Variants in CNTNAP3B observed in about 807,000 individuals in gnomAD.
The protein encoded by CNTNAP3B is contactin-associated protein-like 3B.
In CNTNAP3B, 25 loss-of-function variants were observed where a neutral mutation model predicts 108.9. The observed-to-expected ratio is 0.23, with a 90% confidence interval of 0.17 to 0.32. CNTNAP3B has a LOEUF of 0.32. CNTNAP3B is among the 10% of genes least tolerant of loss of function. The pLI is 1.00. For synonymous variants in CNTNAP3B, 103 were observed against 473.4 expected, an observed-to-expected ratio of 0.22 and a Z score of 10.16; for missense variants, 252 against 1,210.4, an observed-to-expected ratio of 0.21 and a Z score of 11.75.
chr9:41,990,675 T>C (rs1025896253), intron 8 of CNTNAP3B, among the ~76,000 whole-genome samples: 7 of 135,274 alleles, frequency 5.2e-5, no homozygotes, highest in Admixed American at 2.3e-4. Context: ...GCTTTTTTTT[T>C]TTAAAGCCCC....
intron 1 of CNTNAP3B, among the ~76,000 whole-genome samples, chr9:42,107,908 G>A (rs1396620154): frequency 1.6e-5 from 2 of 127,318 alleles, no homozygotes; most frequent in South Asian, 5.1e-4. Flanking sequence ...CTGGGAGGAG[G>A]AGGTTGCAGT....
At chr9:42,128,153 C>A (rs1173182755) in intron 1 of CNTNAP3B, among the ~76,000 whole-genome samples, 1 of 135,730 alleles carries the variant, frequency 7.4e-6, no homozygotes, top group Non-Finnish European at 1.6e-5. Flanking sequence ...TACTCCAAGC[C>A]GAAAAAAAAA....
Position 42,100,229 on chromosome 9 carries a change from G to A in CNTNAP3B, c.196+4400C>T, listed in dbSNP as rs1464458344. On this transcript the variant is annotated intron_variant, in intron 2 of 23. Coordinates refer to ENST00000377561, the MANE Select transcript of CNTNAP3B (RefSeq NM_001201380.3). ...ATATCCCACATTCCTTTAACCTGAG[G>A]TGGAAAACTCAAGTGGGGAGGGAAA... Among the ~76,000 whole-genome samples the A allele has an allele frequency of 3.7e-5, 3 of 80,502 alleles. 1 individual carries two copies. The highest frequency in any genetic ancestry group is 1.3e-4 in the African/African-American group (3 of 22,686). The allele number at this position is 80,502 out of a possible 152,430, so 52.8% of individuals were successfully genotyped here. A position where few individuals can be genotyped will look rare whatever the true frequency, so the allele number is the denominator to read the frequency against.
At chr9:41,944,362 T>C (rs1287961389) in intron 13 of CNTNAP3B, among the ~76,000 whole-genome samples, 2 of 146,112 alleles carry the variant, frequency 1.4e-5, no homozygotes, top group African/African-American at 5.0e-5. Flanking sequence ...TGATTATGGC[T>C]TATGAATAAG....
rs1828577616 is a variant in CNTNAP3B, at chr9:42,126,684, C to A, written c.85+2326G>T. Reference sequence around the variant, plus strand: ...TCCCAGGTTCAAGCGATTCTCCTGCCTCAGCCTCCCGAGTAGCTGGAATTA... The same window carrying A: ...TCCCAGGTTCAAGCGATTCTCCTGCATCAGCCTCCCGAGTAGCTGGAATTA... On this transcript the variant is annotated intron_variant, in intron 1 of 23. Transcript: ENST00000377561. 1.5e-5 allele frequency among the ~76,000 whole-genome samples: 2 copies of A among 135,890 alleles called. 1 individual carries two copies. Among genetic ancestry groups the A allele is most frequent in the African/African-American group, 5.9e-5 (2 of 33,732 alleles). 89.1% of individuals were successfully genotyped at this position (135,890 alleles called of 152,430 possible). A position where few individuals can be genotyped will look rare whatever the true frequency, so the allele number is the denominator to read the frequency against.
chr9:41,942,839 A>C (rs62536534), intron 13 of CNTNAP3B, among the ~76,000 whole-genome samples: 128,565 of 151,642 alleles, frequency 0.85, 52,744 homozygotes, highest in Non-Finnish European at 0.87. Flanking sequence ...CCTCTGACAC[A>C]ACAGTTATGC....
intron 3 of CNTNAP3B, among the ~76,000 whole-genome samples, chr9:42,020,673 C>T (rs1826296590): frequency 6.8e-6 from 1 of 147,006 alleles, no homozygotes; most frequent in Non-Finnish European, 1.5e-5. Context: ...CCAAGATCTG[C>T]ACCTTTAACC....
intron 3 of CNTNAP3B, among the ~76,000 whole-genome samples, chr9:42,070,114 G>T: frequency 7.5e-6 from 1 of 132,714 alleles, no homozygotes; most frequent in Non-Finnish European, 1.6e-5. Context: ...GATGGCATTA[G>T]CTTCAAGTTT....
chr9:41,930,766 G>A (rs1376161409), intron 14 of CNTNAP3B, among the ~76,000 whole-genome samples: 1 of 152,276 alleles, frequency 6.6e-6, no homozygotes, highest in Non-Finnish European at 1.5e-5. Flanking sequence ...ATCCCCTAGG[G>A]GAACCTGGGG....
chr9:41,929,385 A>G lies in CNTNAP3B; in HGVS notation c.2297T>C (p.Met766Thr). ...GGAATGTGGTTGGCCTGTGTCTGTC[A>G]TCACAATCTGAGTGACTGGGAGGTG... Reference protein sequence around the residue: ...KEHLPVTQIVMTDTGQPHSEA... With the variant: ...KEHLPVTQIVTTDTGQPHSEA... Residue 766 changes from methionine to threonine, a missense_variant, in exon 15 of 24, where the codon ATG (methionine) becomes ACG (threonine). Coordinates refer to ENST00000377561, the MANE Select transcript of CNTNAP3B (RefSeq NM_001201380.3). The G allele has an allele frequency of 6.5e-7, 1 of 1,544,384 alleles. No individual in the cohort carries two copies. Among genetic ancestry groups the G allele is most frequent in the South Asian group, 1.2e-5 (1 of 85,840 alleles).
At chr9:42,086,218 C>G (rs1248890303) in intron 2 of CNTNAP3B, among the ~76,000 whole-genome samples, 1 of 142,428 alleles carries the variant, frequency 7.0e-6, no homozygotes, top group African/African-American at 2.8e-5. Flanking sequence ...GATTGATTCT[C>G]AACTACGAGA....
rs1020200123 is a variant in CNTNAP3B at position 42,096,926 on chromosome 9, T to C, written c.196+7703A>G. 4.6e-5 allele frequency among the ~76,000 whole-genome samples: 6 copies of C among 129,358 alleles called. 1 individual carries two copies. Among genetic ancestry groups the C allele is most frequent in the African/African-American group, 1.3e-4 (4 of 31,584 alleles). 84.9% of individuals were successfully genotyped at this position (129,358 alleles called of 152,430 possible). ...CGTAACAGTGGCATGAAACTTTTTT[T>C]TTTTTTAATAGAGACAGGGTTTTGA... On this transcript the variant is annotated intron_variant, in intron 2 of 23. Transcript: ENST00000377561.
At chr9:42,017,140 AAT>A (rs1198041972) in intron 3 of CNTNAP3B, among the ~76,000 whole-genome samples, 1 of 139,968 alleles carries the variant, frequency 7.1e-6, no homozygotes, top group East Asian at 2.1e-4. Context: ...ACATGCTGGA[AAT>A]ATGTTTCATA....
At position 42,090,891 on chromosome 9, in the gene CNTNAP3B, G is replaced by A. The variant is rs1443419507; in HGVS notation, c.196+13738C>T. ...CATACATTCAGCTTCAGGAAAACTG[G>A]TGCCATTACATAAAATATAAAGTTC... On this transcript the variant is annotated intron_variant, in intron 2 of 23. Coordinates refer to ENST00000377561, the MANE Select transcript of CNTNAP3B (RefSeq NM_001201380.3). 3.5e-5 allele frequency among the ~76,000 whole-genome samples: 3 copies of A among 84,704 alleles called. 1 individual carries two copies. Among genetic ancestry groups the A allele is most frequent in the Non-Finnish European group, 7.1e-5 (3 of 42,332 alleles). 55.6% of individuals were successfully genotyped at this position (84,704 alleles called of 152,430 possible).
intron 9 of CNTNAP3B, among the ~76,000 whole-genome samples, chr9:41,977,879 C>A (rs1825551760): frequency 7.0e-6 from 1 of 142,528 alleles, no homozygotes; most frequent in African/African-American, 2.7e-5. Context: ...GATCCACCTG[C>A]CTAGGCCTCC....
intron 1 of CNTNAP3B, among the ~76,000 whole-genome samples, chr9:42,115,179 T>G (rs1406281577): frequency 7.2e-6 from 1 of 139,032 alleles, no homozygotes; most frequent in African/African-American, 2.8e-5. Flanking sequence ...AAAGAGATTT[T>G]TTGTATACTC....
chr9:41,966,234 A>G (rs1465095724), intron 10 of CNTNAP3B, among the ~76,000 whole-genome samples: 2 of 152,288 alleles, frequency 1.3e-5, no homozygotes, highest in African/African-American at 2.4e-5. Flanking sequence ...TCTTAAGATC[A>G]TACCTGACTT....
Position 41,984,003 on chromosome 9 carries a change from A to T in CNTNAP3B, c.1477+2165T>A. ...GGTGCAGAGCTTGCAGTGAGCCGAG[A>T]TCGCGCCACTGCACTCCAGCCTGGG... On this transcript the variant is annotated intron_variant, in intron 9 of 23. Coordinates refer to ENST00000377561, the MANE Select transcript of CNTNAP3B (RefSeq NM_001201380.3). Among the ~76,000 whole-genome samples, 2 of 97,608 alleles carry T rather than the reference A, an allele frequency of 2.0e-5. 1 individual carries two copies. The highest frequency in any genetic ancestry group is 4.2e-5 in the Non-Finnish European group (2 of 47,822). The allele number at this position is 97,608 out of a possible 152,430, so 64.0% of individuals were successfully genotyped here.
intron 14 of CNTNAP3B, among the ~76,000 whole-genome samples, chr9:41,933,577 G>C (rs1213383495): frequency 6.6e-6 from 1 of 152,280 alleles, no homozygotes; most frequent in East Asian, 1.9e-4. Flanking sequence ...ATTATTTTAC[G>C]ATTTTATAGA....
Sources: allele counts gnomAD v4.1 joint callset (sites outside exome capture counted in the v4.1 genomes callset), GRCh38; gene constraint gnomAD v4.1.1; transcripts MANE v1.5; gene names NCBI Gene and HGNC (gene_info 2026-07-23, HGNC 2026-07-21).